KIF5C: variants seen among roughly 807,000 people sequenced by gnomAD.
KIF5C encodes the protein kinesin family member 5C.
Under a neutral mutation model 125.2 loss-of-function variants are expected in KIF5C, and 18 were observed. The ratio of observed to expected loss-of-function variants is 0.14; its 90% confidence interval spans 0.10 to 0.21. The LOEUF is 0.21. Ranked by LOEUF, KIF5C falls within the 10% of genes least tolerant of loss-of-function variation. The probability of loss-of-function intolerance (pLI) is 1.00; values close to 1 mark genes in which losing one functional copy is unlikely to be tolerated. For synonymous variants in KIF5C, 405 were observed against 434.0 expected (o/e 0.93, Z 0.83); for missense variants, 780 against 1,183.8 (o/e 0.66, Z 5.01).
At position 148,950,368 on chromosome 2, in the gene KIF5C, T is replaced by G. The variant is rs1490590663; in HGVS notation, c.874T>G (p.Leu292Val). 22 of 1,613,890 alleles carry G rather than the reference T, an allele frequency of 1.4e-5. No homozygotes were observed. Among genetic ancestry groups the G allele is most frequent in the Non-Finnish European group, 1.9e-5 (22 of 1,179,892 alleles). Residue 292 changes from leucine to valine, a missense_variant, in exon 10 of 26, where the codon TTG becomes GTG. Physicochemically the swap from Leu to Val is conservative, Grantham distance 32. This residue lies in a region of KIF5C where 207 missense variants were observed against 441.2 expected (regional missense o/e 0.47). Coordinates refer to ENST00000435030, the MANE Select transcript of KIF5C (RefSeq NM_004522.3). The part of the protein sequence containing the change: ...SKMTRILQDS[L>V]GGNCRTTIVI... Reference sequence around the variant, plus strand: ...GATGACTCGGATTCTTCAGGACTCTTTGGGTGGGAACTGCAGAACCACCAT... The same window carrying G: ...GATGACTCGGATTCTTCAGGACTCTGTGGGTGGGAACTGCAGAACCACCAT...
At chr2:148,882,716 C>T (rs1019979097) in intron 1 of KIF5C, among the ~76,000 whole-genome samples, 3 of 152,160 alleles carry the variant, frequency 2.0e-5, no homozygotes, top group Admixed American at 2.0e-4. Flanking sequence ...GCCCACAATA[C>T]CTCCTCTGAC....
At chr2:148,951,918 G>T (rs944763017) in intron 10 of KIF5C, among the ~76,000 whole-genome samples, 1 of 152,178 alleles carries the variant, frequency 6.6e-6, no homozygotes, top group Non-Finnish European at 1.5e-5. Context: ...GTCATTTCCT[G>T]AGCCCTCAAC....
At chr2:148,944,532 G>A (rs80110714) in intron 7 of KIF5C, among the ~76,000 whole-genome samples, 20,883 of 152,108 alleles carry the variant, frequency 0.14, 2,198 homozygotes, top group African/African-American at 0.29. Context: ...TAAAAAATTC[G>A]TTTAACCATT....
At chr2:149,001,909 G>C (rs931623436) in intron 21 of KIF5C, among the ~76,000 whole-genome samples, 2 of 152,226 alleles carry the variant, frequency 1.3e-5, no homozygotes, top group East Asian at 3.9e-4. Flanking sequence ...CTTGGGTCTG[G>C]CCCTGAGATT....
chr2:148,982,075 A>C (rs1274580865), intron 14 of KIF5C, among the ~76,000 whole-genome samples: 1 of 152,230 alleles, frequency 6.6e-6, no homozygotes, highest in Non-Finnish European at 1.5e-5. Flanking sequence ...GCAGGGTCCC[A>C]TAGAAGGTAT....
chr2:148,971,649 T>C (rs1680913552), intron 11 of KIF5C, among the ~76,000 whole-genome samples: 1 of 152,218 alleles, frequency 6.6e-6, no homozygotes, highest in South Asian at 2.1e-4. Flanking sequence ...TTCAGCAAGG[T>C]AATAGTTTAT....
chr2:148,978,232 C>G (rs1175383031), intron 12 of KIF5C, among the ~76,000 whole-genome samples: 1 of 151,812 alleles, frequency 6.6e-6, no homozygotes. Context: ...GGCAGCAACA[C>G]CTAGTGGCAG....
chr2:148,949,995 T>C, intron 9 of KIF5C, 52 bp downstream of exon 9: 1 of 1,568,146 alleles, frequency 6.4e-7, no homozygotes, highest in Non-Finnish European at 8.7e-7. Flanking sequence ...AACCACCTTT[T>C]GGGGCCTCAT....
chr2:148,973,358 A>G lies in KIF5C; in HGVS notation c.1140A>G (p.Glu380=). 1 of 1,612,888 alleles carries G rather than the reference A, an allele frequency of 6.2e-7. No individual in the cohort carries two copies. The highest frequency in any genetic ancestry group is 8.5e-7 in the Non-Finnish European group (1 of 1,179,498). The change falls in exon 12 of 26, where the codon GAA becomes GAG. Residue 380 remains glutamate, a synonymous_variant. Coordinates refer to ENST00000435030, the MANE Select transcript of KIF5C (RefSeq NM_004522.3). Reference sequence around the variant, plus strand: ...CAGGAGAAGCTGTGCCTGAGGATGAACAGATCAGTGCCAAGGACCAGAAGA... The same window carrying G: ...CAGGAGAAGCTGTGCCTGAGGATGAGCAGATCAGTGCCAAGGACCAGAAGA... ...WRNGEAVPED[E]QISAKDQKNL... is the part of the protein sequence containing the mutation.
chr2:148,972,803 G>T (rs926671939), intron 11 of KIF5C, among the ~76,000 whole-genome samples: 9 of 152,170 alleles, frequency 5.9e-5, no homozygotes, highest in African/African-American at 2.2e-4. Flanking sequence ...TGGATCCAGG[G>T]CTACCCTGTC....
rs777400399 is a variant in KIF5C at position 148,922,123 on chromosome 2, T to C, written c.127-14T>C. On this transcript the variant is annotated splice_polypyrimidine_tract_variant and intron_variant, in intron 1 of 25. Transcript: ENST00000435030. ...TTTTTCCACCTTTTTCTTCCCTTTG[T>C]CTTTCTTTTTTAGCAAGGGAAGCCA... 21 of 1,569,172 alleles carry C rather than the reference T, an allele frequency of 1.3e-5. No individual in the cohort carries two copies. Among genetic ancestry groups the C allele is most frequent in the Non-Finnish European group, 1.5e-5 (17 of 1,151,108 alleles).
Position 148,942,703 on chromosome 2 carries a change from G to C in KIF5C, c.532G>C (p.Glu178Gln). The C allele has an allele frequency of 6.2e-7, 1 of 1,611,512 alleles. No individual in the cohort carries two copies. The highest frequency in any genetic ancestry group is 8.5e-7 in the Non-Finnish European group (1 of 1,179,082). ...CACTGAGCGGTTTGTGTCGAGCCCT[G>C]AGGAAGTCATGGATGTAATAGATGA... The part of the protein sequence containing the change: ...GCTERFVSSP[E>Q]EVMDVIDEGK... Residue 178 changes from glutamate (E) to glutamine (Q), a missense_variant, in exon 7 of 26, where the codon GAG becomes CAG. Transcript: ENST00000435030.
chr2:148,998,489 A>G lies in KIF5C; in HGVS notation c.2190A>G (p.Lys730=). ...GAGACGAAATTGAGGAGAAGCAGAA[A>G]ATCATTGATGAGATTCGGGAGTGAG... The part of the protein sequence containing the change: ...RLRDEIEEKQ[K]IIDEIRDLNQ... The change falls in exon 19 of 26, where the codon AAA becomes AAG. Residue 730 remains lysine (K), a synonymous_variant. Coordinates refer to ENST00000435030, the MANE Select transcript of KIF5C (RefSeq NM_004522.3). 1 of 1,559,194 alleles carries G rather than the reference A, an allele frequency of 6.4e-7. No homozygotes were observed. The highest frequency in any genetic ancestry group is 1.4e-5 in the African/African-American group (1 of 73,564).
intron 25 of KIF5C, among the ~76,000 whole-genome samples, chr2:149,021,849 TC>T (rs1183077419): frequency 6.6e-6 from 1 of 151,300 alleles, no homozygotes; most frequent in Non-Finnish European, 1.5e-5. Context: ...CCTGTCCCCA[TC>T]CCCTAGAGTA....
intron 11 of KIF5C, among the ~76,000 whole-genome samples, chr2:148,970,695 T>G (rs567065171): frequency 6.6e-6 from 1 of 152,292 alleles, no homozygotes; most frequent in African/African-American, 2.4e-5. Flanking sequence ...AGAGGGCAGC[T>G]TTAGGGGAAG....
intron 25 of KIF5C, among the ~76,000 whole-genome samples, chr2:149,012,542 C>CA (rs1377031957): frequency 1.3e-5 from 2 of 152,248 alleles, no homozygotes; most frequent in African/African-American, 4.8e-5. Context: ...GTCCTTTCTG[C>CA]ATCAAGGCAA....
chr2:148,972,694 A>G (rs1239077883), intron 11 of KIF5C, among the ~76,000 whole-genome samples: 3 of 152,150 alleles, frequency 2.0e-5, no homozygotes, highest in African/African-American at 7.2e-5. Context: ...CTGATATCAC[A>G]GTAGGTTATT....
intron 4 of KIF5C, among the ~76,000 whole-genome samples, chr2:148,940,951 A>T (rs562725574): frequency 6.6e-6 from 1 of 152,292 alleles, no homozygotes; most frequent in East Asian, 1.9e-4. Context: ...ATTCAGCAGG[A>T]CTGTAGTAGG....
chr2:148,980,714 ATTT>A lies in KIF5C; in HGVS notation c.1363-640_1363-638del, dbSNP rs1681210051. 3.4e-5 allele frequency among the ~76,000 whole-genome samples: 5 copies of A among 145,466 alleles called. 1 individual carries two copies. Among genetic ancestry groups the A allele is most frequent in the South Asian group, 4.3e-4 (2 of 4,624 alleles). The stretch of plus-strand genomic sequence containing the variant: ...TATTTATTTATTTATTTATTTATTT[ATTT>A]ATTATTTAGACGAAGTCTTGCTCTG... On this transcript the variant is annotated intron_variant, in intron 13 of 25. Coordinates refer to ENST00000435030, the MANE Select transcript of KIF5C (RefSeq NM_004522.3).
Sources: gnomAD v4.1 joint callset for allele counts (sites outside exome capture counted in the v4.1 genomes callset) on GRCh38, gnomAD v4.1.1 for gene constraint, gnomAD v4.1.1 regional missense constraint, MANE v1.5 for transcripts, NCBI Gene and HGNC (gene_info 2026-07-23, HGNC 2026-07-21) for gene names.